Variants in SYT14 observed in about 807,000 individuals in gnomAD.
SYT14 encodes synaptotagmin-14.
In SYT14, 32 loss-of-function variants were observed where a neutral mutation model predicts 74.2. That is an observed-to-expected ratio of 0.43 (90% CI 0.33 to 0.58). The LOEUF is 0.58. SYT14 is among the 20% of genes least tolerant of loss of function. The pLI, the probability that SYT14 is intolerant of heterozygous loss-of-function variation, is 0.05. For missense variants in SYT14, 791 were observed against 981.8 expected, an observed-to-expected ratio of 0.81 and a Z score of 2.60; for synonymous variants, 298 against 337.7, an observed-to-expected ratio of 0.88 and a Z score of 1.29.
intron 2 of SYT14, among the ~76,000 whole-genome samples, chr1:209,968,336 C>T (rs930077579): frequency 6.6e-6 from 1 of 151,646 alleles, no homozygotes; most frequent in Non-Finnish European, 1.5e-5. Flanking sequence ...TGTGTAATGA[C>T]GTGTATCCAC....
At chr1:210,162,348 T>C (rs1270262770) in exon 10 of SYT14, 1 of 445,900 alleles carries the variant, frequency 2.2e-6, no homozygotes. Flanking sequence ...AAGATCTTTA[T>C]TTCCTCTGAA....
intron 5 of SYT14, among the ~76,000 whole-genome samples, chr1:210,075,340 T>TTG (rs1491135077): frequency 8.9e-6 from 1 of 111,842 alleles, no homozygotes; most frequent in Non-Finnish European, 1.7e-5. Flanking sequence ...TCTCGAGGGT[T>TTG]TGTTTTTTTT....
At chr1:210,046,619 G>C (rs927831435) in intron 5 of SYT14, among the ~76,000 whole-genome samples, 2 of 152,050 alleles carry the variant, frequency 1.3e-5, no homozygotes, top group Admixed American at 1.3e-4. Flanking sequence ...ATCATACAAC[G>C]TGAAGTCTCT....
chr1:210,039,234 A>T (rs1201089304), intron 5 of SYT14, among the ~76,000 whole-genome samples: 1 of 151,724 alleles, frequency 6.6e-6, no homozygotes, highest in Admixed American at 6.6e-5. Context: ...CCTTCAATGA[A>T]TTTTTCACTT....
At chr1:210,106,788 C>A (rs2082166403) in intron 7 of SYT14, among the ~76,000 whole-genome samples, 2 of 151,706 alleles carry the variant, frequency 1.3e-5, no homozygotes, top group Admixed American at 1.3e-4. Context: ...CCTTGGCCAC[C>A]CCCGCAAATC....
At chr1:210,122,723 T>C (rs2082493088) in intron 7 of SYT14, among the ~76,000 whole-genome samples, 1 of 152,190 alleles carries the variant, frequency 6.6e-6, no homozygotes. Flanking sequence ...TTACTTCTGA[T>C]CTTAAAAGCA....
At chr1:210,006,283 A>C (rs1212620381) in intron 2 of SYT14, among the ~76,000 whole-genome samples, 1 of 151,950 alleles carries the variant, frequency 6.6e-6, no homozygotes, top group Non-Finnish European at 1.5e-5. Context: ...TTTATAATGT[A>C]ATACGAAAAT....
At chr1:210,100,032 A>T in exon 7 of SYT14, 1 of 1,614,068 alleles carries the variant, frequency 6.2e-7, no homozygotes, top group East Asian at 2.2e-5. Flanking sequence ...CTCAAGGATC[A>T]TCTTCGCAGC....
At chr1:210,160,620 T>C (rs2102727347) in intron 9 of SYT14, 109 bp from the exon 9 acceptor site, 1 of 935,234 alleles carries the variant, frequency 1.1e-6, no homozygotes, top group Admixed American at 2.3e-5. Context: ...AAACATGGTA[T>C]ACACCATATC....
chr1:209,954,649 C>T (rs1416019049), intron 2 of SYT14, among the ~76,000 whole-genome samples: 4 of 151,706 alleles, frequency 2.6e-5, no homozygotes. Context: ...TAATTAGTAT[C>T]AATGATTATT....
intron 7 of SYT14, among the ~76,000 whole-genome samples, chr1:210,145,564 C>T (rs1335481653): frequency 2.6e-5 from 4 of 152,170 alleles, no homozygotes; most frequent in Non-Finnish European, 5.9e-5. Flanking sequence ...GACTCACAGT[C>T]TAGTGGGAAA....
In SYT14 at chr1:210,023,786, G is replaced by A. The variant is rs553595134; in HGVS notation, c.1312+2532G>A. Reference sequence around the variant, plus strand: ...AATTATTTCAACAAGCATGGAATAGGGCTTTCATGCAATCATGAATCCAAA... The same window carrying A: ...AATTATTTCAACAAGCATGGAATAGAGCTTTCATGCAATCATGAATCCAAA... On this transcript the variant is annotated intron_variant, in intron 5 of 9. Coordinates refer to ENST00000637265, the Ensembl canonical transcript of SYT14. 1.1e-4 allele frequency among the ~76,000 whole-genome samples: 16 copies of A among 152,286 alleles called. No homozygotes were observed. In the East Asian group the frequency reaches 2.9e-3, roughly 28 times the overall value.
intron 1 of SYT14, among the ~76,000 whole-genome samples, chr1:209,947,079 G>A (rs894350373): frequency 3.9e-5 from 6 of 152,178 alleles, no homozygotes; most frequent in African/African-American, 1.4e-4. Flanking sequence ...TCAGAAAAAA[G>A]ATGCCTTTCA....
intron 7 of SYT14, among the ~76,000 whole-genome samples, chr1:210,150,557 C>T (rs2083137906): frequency 6.6e-6 from 1 of 152,156 alleles, no homozygotes; most frequent in African/African-American, 2.4e-5. Flanking sequence ...AGATGAAGCT[C>T]ATCATTAGCG....
chr1:210,101,782 A>G (rs893088291), intron 7 of SYT14, among the ~76,000 whole-genome samples: 2 of 152,164 alleles, frequency 1.3e-5, no homozygotes, highest in African/African-American at 4.8e-5. Flanking sequence ...CTGAGTGATC[A>G]CTAGTTACTC....
At chr1:210,062,478 T>A (rs2081223629) in intron 5 of SYT14, among the ~76,000 whole-genome samples, 1 of 151,888 alleles carries the variant, frequency 6.6e-6, no homozygotes, top group Admixed American at 6.6e-5. Context: ...AAGGATTACC[T>A]TTCACAGATT....
At chr1:210,159,343 T>C in intron 8 of SYT14, 78 bp from the exon 8 acceptor site, 1 of 1,375,548 alleles carries the variant, frequency 7.3e-7, no homozygotes, top group Non-Finnish European at 1.0e-6. Context: ...TCTTTAATTC[T>C]AACCTTTGAC....
chr1:210,133,336 T>C (rs538125952), intron 7 of SYT14, among the ~76,000 whole-genome samples: 5 of 152,354 alleles, frequency 3.3e-5, no homozygotes, highest in Admixed American at 3.3e-4. Context: ...TGGATGCAGC[T>C]TTTGTGACAA....
At position 210,151,511 on chromosome 1, in the gene SYT14, C is replaced by CG. The variant is rs1553289530; in HGVS notation, c.2035-4210_2035-4209insG. 5.7e-5 allele frequency among the ~76,000 whole-genome samples: 8 copies of CG among 139,586 alleles called. 1 individual carries two copies. The highest frequency in any genetic ancestry group is 1.2e-4 in the African/African-American group (4 of 33,162). The allele number at this position is 139,586 out of a possible 152,430, so 91.6% of individuals were successfully genotyped here. ...CTGAAATTATAGGCGAATGCCCCCC[C>CG]CCTTTTTTTTTTTTTTAACTACAGT... On this transcript the variant is annotated intron_variant, in intron 7 of 9. Transcript: ENST00000637265.
Sources: gnomAD v4.1 joint callset for allele counts (sites outside exome capture counted in the v4.1 genomes callset) on GRCh38, gnomAD v4.1.1 for gene constraint, MANE v1.5 for transcripts, NCBI Gene and HGNC (gene_info 2026-07-23, HGNC 2026-07-21) for gene names.